The following MLLT10 variants were observed in gnomAD, a reference collection of about 807,000 sequenced individuals.
MLLT10 encodes protein AF-10.
MLLT10 carries 30 observed loss-of-function variants against 129.1 expected under a neutral mutation model. The observed-to-expected ratio is 0.23, with a 90% CI of 0.17 to 0.32. MLLT10 has a LOEUF of 0.32. Ranked by LOEUF, MLLT10 falls within the 10% of genes least tolerant of loss-of-function variation. The pLI is 1.00. For synonymous variants in MLLT10, 490 were observed against 446.4 expected (o/e 1.10, Z -1.23); for missense variants, 1,119 against 1,268.3 (o/e 0.88, Z 1.79).
chr10:21,635,850 C>T (rs1276075754), intron 8 of MLLT10, among the ~76,000 whole-genome samples: 1 of 151,552 alleles, frequency 6.6e-6, no homozygotes, highest in Non-Finnish European at 1.5e-5. Context: ...CCTCAGCCTC[C>T]CGAGTAGCTG....
intron 21 of MLLT10, chr10:21,738,531 G>C: frequency 7.8e-7 from 1 of 1,287,000 alleles, no homozygotes; most frequent in Non-Finnish European, 1.0e-6. Flanking sequence ...GCTAAAGTTT[G>C]TTCATTTACA....
At position 21,577,772 on chromosome 10, in the gene MLLT10, A is replaced by G. The variant is rs146477649; in HGVS notation, c.241-8522A>G. On this transcript the variant is annotated intron_variant, in intron 3 of 22. Transcript: ENST00000307729. ...AGGTGTGAGCCACCGCACCCAGCCT[A>G]TATGAAGGTTTTAATTTCTCCATCT... Among the ~76,000 whole-genome samples, 828 of 151,676 alleles carry G rather than the reference A, an allele frequency of 5.5e-3. 6 individuals are homozygous for G. Among genetic ancestry groups the G allele is most frequent in the African/African-American group, 0.019 (775 of 41,354 alleles).
intron 3 of MLLT10, among the ~76,000 whole-genome samples, chr10:21,575,492 C>T (rs903898831): frequency 4.6e-5 from 7 of 152,154 alleles, no homozygotes; most frequent in Non-Finnish European, 8.8e-5. Context: ...CCACCATATC[C>T]GGCTGCTAGG....
At chr10:21,582,883 C>G (rs2041618673) in intron 3 of MLLT10, among the ~76,000 whole-genome samples, 1 of 152,094 alleles carries the variant, frequency 6.6e-6, no homozygotes, top group Non-Finnish European at 1.5e-5. Flanking sequence ...TTTCAAGTGT[C>G]TATGTAGGCT....
intron 8 of MLLT10, chr10:21,624,841 G>T: frequency 1.8e-6 from 2 of 1,093,636 alleles, no homozygotes; most frequent in Non-Finnish European, 2.7e-6. Flanking sequence ...CCTCTCTGCT[G>T]TTGTGCAGGA....
intron 13 of MLLT10, among the ~76,000 whole-genome samples, chr10:21,704,357 C>CTCTATA (rs1343170893): frequency 6.3e-4 from 70 of 111,874 alleles, no homozygotes; most frequent in African/African-American, 6.9e-4. Flanking sequence ...CTCTCTCTCT[C>CTCTATA]TATATATATA....
Position 21,732,892 on chromosome 10 carries a change from G to C in MLLT10, c.2219-7G>C, listed in dbSNP as rs768655219. The C allele has an allele frequency of 6.2e-7, 1 of 1,610,604 alleles. No individual in the cohort carries two copies. The highest frequency in any genetic ancestry group is 1.3e-5 in the African/African-American group (1 of 74,700). On this transcript the variant is annotated splice_polypyrimidine_tract_variant and splice_region_variant and intron_variant, in intron 17 of 22. Coordinates refer to ENST00000307729, the MANE Select transcript of MLLT10 (RefSeq NM_001195626.3). Reference sequence around the variant, plus strand: ...TCATTATTAAAAACTATCCAAATGTGTGGTAGTTTTAGGAATGCTGAAGTC... The same window carrying C: ...TCATTATTAAAAACTATCCAAATGTCTGGTAGTTTTAGGAATGCTGAAGTC...
At chr10:21,718,800 C>A (rs1443597577) in intron 14 of MLLT10, among the ~76,000 whole-genome samples, 1 of 152,230 alleles carries the variant, frequency 6.6e-6, no homozygotes, top group Non-Finnish European at 1.5e-5. Context: ...CGGCTCACTG[C>A]AAACTCTGCC....
intron 9 of MLLT10, among the ~76,000 whole-genome samples, chr10:21,664,306 CTTTTTG>C (rs2050517159): frequency 7.0e-6 from 1 of 142,012 alleles, no homozygotes; most frequent in Non-Finnish European, 1.5e-5. Context: ...TTTTTGTTTG[CTTTTTG>C]TTTGTTTGTT....
intron 13 of MLLT10, among the ~76,000 whole-genome samples, chr10:21,687,975 T>C (rs1564648761): frequency 6.6e-6 from 1 of 152,226 alleles, no homozygotes. Context: ...GTAAGACTTT[T>C]TCCATTTCAA....
At chr10:21,676,850 G>A (rs1167425878) in intron 11 of MLLT10, among the ~76,000 whole-genome samples, 2 of 143,164 alleles carry the variant, frequency 1.4e-5, no homozygotes, top group Admixed American at 1.4e-4. Context: ...TTTTATGTAT[G>A]TTAATAAACA....
intron 20 of MLLT10, 97 bp downstream of exon 20, chr10:21,734,226 T>A (rs2058176674): frequency 6.9e-7 from 1 of 1,440,414 alleles, no homozygotes; most frequent in Non-Finnish European, 9.3e-7. Flanking sequence ...CCTTTGTAGA[T>A]ACACCTTAAG....
intron 8 of MLLT10, among the ~76,000 whole-genome samples, chr10:21,620,758 T>C (rs551745244): frequency 4.3e-4 from 65 of 152,256 alleles, no homozygotes; most frequent in Admixed American, 7.2e-4. Context: ...TGGCTCGATC[T>C]TGGCTCCCTG....
At chr10:21,551,822 T>A (rs2037096179) in intron 3 of MLLT10, 5 of 415,982 alleles carry the variant, frequency 1.2e-5, no homozygotes, top group Non-Finnish European at 2.3e-5. Flanking sequence ...TTAGGCAGAG[T>A]CTCGCTCTGT....
chr10:21,626,265 G>C, intron 8 of MLLT10: 1 of 1,499,292 alleles, frequency 6.7e-7, no homozygotes, highest in Non-Finnish European at 9.3e-7. Context: ...CTTTCATCAA[G>C]ATCGATACAA....
chr10:21,615,457 C>CAAAAAAA (rs71393914), intron 7 of MLLT10, among the ~76,000 whole-genome samples: 2 of 75,578 alleles, frequency 2.6e-5, no homozygotes, highest in Non-Finnish European at 4.7e-5. Flanking sequence ...GACTCCGTCT[C>CAAAAAAA]AAAAAAAAAA....
chr10:21,538,703 G>A, intron 2 of MLLT10, 130 bp from the exon 3 acceptor site: 1 of 624,332 alleles, frequency 1.6e-6, no homozygotes, highest in Non-Finnish European at 2.8e-6. Flanking sequence ...GATGTGAACT[G>A]TTTTACTTCT....
intron 3 of MLLT10, among the ~76,000 whole-genome samples, chr10:21,552,652 A>C (rs1352424482): frequency 6.6e-6 from 1 of 151,962 alleles, no homozygotes; most frequent in African/African-American, 2.4e-5. Flanking sequence ...TCGGCCTCCC[A>C]AAGTGCTAGG....
intron 3 of MLLT10, among the ~76,000 whole-genome samples, chr10:21,540,690 C>G: frequency 6.6e-6 from 1 of 152,124 alleles, no homozygotes; most frequent in South Asian, 2.1e-4. Context: ...TTTTTAAAAT[C>G]TTATTATATT....
Sources: allele counts gnomAD v4.1 joint callset (sites outside exome capture counted in the v4.1 genomes callset), GRCh38; gene constraint gnomAD v4.1.1; transcripts MANE v1.5; gene names NCBI Gene and HGNC (gene_info 2026-07-23, HGNC 2026-07-21).